Variants in ANKS1B observed in about 807,000 individuals in gnomAD.
ANKS1B encodes the protein ankyrin repeat and sterile alpha motif domain-containing protein 1B.
A neutral mutation model predicts 148.3 loss-of-function variants in ANKS1B; 36 were observed. The observed-to-expected ratio is 0.24, with a 90% CI of 0.19 to 0.32. The LOEUF is 0.32. ANKS1B is among the 10% of genes least tolerant of loss of function. The pLI is 1.00. For missense variants in ANKS1B, 1,157 were observed against 1,542.6 expected (o/e 0.75, Z 4.19); for synonymous variants, 542 against 560.8 (o/e 0.97, Z 0.47).
At chr12:99,742,061 T>A (rs10860503) in intron 8 of ANKS1B, among the ~76,000 whole-genome samples, 1 of 151,558 alleles carries the variant, frequency 6.6e-6, no homozygotes, top group East Asian at 1.9e-4. Flanking sequence ...TGAGAACACA[T>A]GGACACATAC....
intron 15 of ANKS1B, among the ~76,000 whole-genome samples, chr12:99,107,131 T>C (rs1418523784): frequency 6.6e-6 from 1 of 151,696 alleles, no homozygotes; most frequent in Non-Finnish European, 1.5e-5. Context: ...ATAATAAATA[T>C]AAAATACATG....
intron 10 of ANKS1B, among the ~76,000 whole-genome samples, chr12:99,471,252 T>C (rs117388164): frequency 0.014 from 2,098 of 152,238 alleles, 18 homozygotes; most frequent in Non-Finnish European, 0.021. Flanking sequence ...AATCATGATT[T>C]TTGTTTAAAA....
chr12:99,753,716 A>G (rs1393365905), intron 8 of ANKS1B, among the ~76,000 whole-genome samples: 1 of 152,060 alleles, frequency 6.6e-6, no homozygotes, highest in African/African-American at 2.4e-5. Context: ...TAAGCTAAAT[A>G]CCACAATTAA....
At chr12:99,716,645 G>A (rs1171837896) in intron 8 of ANKS1B, among the ~76,000 whole-genome samples, 5 of 151,766 alleles carry the variant, frequency 3.3e-5, no homozygotes, top group South Asian at 2.1e-4. Context: ...AATTCTTGTC[G>A]TAAAATGGGC....
At chr12:99,138,117 G>T (rs748849919) in intron 15 of ANKS1B, among the ~76,000 whole-genome samples, 11 of 152,126 alleles carry the variant, frequency 7.2e-5, no homozygotes, top group Non-Finnish European at 1.5e-4. Flanking sequence ...TATGAAAGTG[G>T]AAACTAAGCA....
rs1218963706 is a variant in ANKS1B at position 99,417,063 on chromosome 12, G to C, written c.1576-17252C>G. ...CCATGCCAAGCTCATTTATATTTGG[G>C]AGGAAGGAGAGGATCAGGACAATTT... On this transcript the variant is annotated intron_variant, in intron 11 of 26. Coordinates refer to ENST00000683438, the MANE Select transcript of ANKS1B (RefSeq NM_001352186.2). 2.0e-5 allele frequency among the ~76,000 whole-genome samples: 3 copies of C among 152,286 alleles called. No individual in the cohort carries two copies. The East Asian group carries it at 5.8e-4, about 29-fold the overall frequency.
At chr12:99,554,148 C>T (rs1211404067) in intron 9 of ANKS1B, among the ~76,000 whole-genome samples, 1 of 152,190 alleles carries the variant, frequency 6.6e-6, no homozygotes, top group Admixed American at 6.5e-5. Flanking sequence ...CCTAAAGACA[C>T]ATCTCAGCCT....
chr12:99,744,916 C>T (rs1479492916), intron 8 of ANKS1B, among the ~76,000 whole-genome samples: 8 of 140,528 alleles, frequency 5.7e-5, no homozygotes, highest in Non-Finnish European at 9.1e-5. Context: ...TGCTTGAACC[C>T]GGGAGATGGA....
intron 17 of ANKS1B, among the ~76,000 whole-genome samples, chr12:98,884,708 A>T (rs1425039129): frequency 1.3e-5 from 2 of 150,242 alleles, no homozygotes; most frequent in Non-Finnish European, 3.0e-5. Context: ...CTGAGGCAGG[A>T]GAATGGCGTG....
At chr12:99,562,781 T>C (rs886127827) in intron 9 of ANKS1B, among the ~76,000 whole-genome samples, 1 of 152,322 alleles carries the variant, frequency 6.6e-6, no homozygotes. Flanking sequence ...TTACTTCCCA[T>C]GAGGTCCCTC....
At chr12:99,038,133 G>A (rs1393386346) in intron 17 of ANKS1B, among the ~76,000 whole-genome samples, 1 of 152,118 alleles carries the variant, frequency 6.6e-6, no homozygotes, top group Non-Finnish European at 1.5e-5. Flanking sequence ...ATTATCAGTA[G>A]AATCATTTGT....
chr12:99,435,330 T>C (rs1451129221), intron 11 of ANKS1B, among the ~76,000 whole-genome samples: 2 of 152,052 alleles, frequency 1.3e-5, no homozygotes, highest in East Asian at 3.9e-4. Context: ...AATGAGATGC[T>C]TGAAGGTGAG....
chr12:99,295,596 T>G (rs1348411935), intron 12 of ANKS1B, among the ~76,000 whole-genome samples: 1 of 152,224 alleles, frequency 6.6e-6, no homozygotes, highest in African/African-American at 2.4e-5. Flanking sequence ...GATTATACTT[T>G]CAGTGTCATT....
intron 11 of ANKS1B, among the ~76,000 whole-genome samples, chr12:99,443,367 G>T (rs902657626): frequency 1.3e-5 from 2 of 151,906 alleles, no homozygotes; most frequent in Admixed American, 1.3e-4. Flanking sequence ...ATATGTAACA[G>T]CTCAATAATT....
rs1403636406 is a variant in ANKS1B, at chr12:98,967,862, A to G, written c.2778+85295T>C. ...TCTAGGCTGGAGGTTGGCTAACAGC[A>G]TACACTCAGCTGACCCGGGGAGTAC... is the stretch of plus-strand genomic sequence containing the variant. On this transcript the variant is annotated intron_variant, in intron 17 of 26. Transcript: ENST00000683438. Among the ~76,000 whole-genome samples, 3 of 151,982 alleles carry G rather than the reference A, an allele frequency of 2.0e-5. No individual in the cohort carries two copies. In the East Asian group the frequency reaches 5.8e-4, roughly 29 times the overall value.
At chr12:98,924,466 C>T (rs191605441) in intron 17 of ANKS1B, among the ~76,000 whole-genome samples, 2 of 152,182 alleles carry the variant, frequency 1.3e-5, no homozygotes, top group Non-Finnish European at 2.9e-5. Context: ...TACATTCTAA[C>T]TCTAAGTGTC....
chr12:98,954,388 T>C (rs1319740742), intron 17 of ANKS1B: 1 of 152,366 alleles, frequency 6.6e-6, no homozygotes, highest in East Asian at 1.9e-4. Flanking sequence ...CATGAGCTGC[T>C]ATAGTTTGAA....
At chr12:99,564,764 A>G (rs1033421060) in intron 9 of ANKS1B, among the ~76,000 whole-genome samples, 1 of 152,110 alleles carries the variant, frequency 6.6e-6, no homozygotes, top group Admixed American at 6.6e-5. Flanking sequence ...CACTACTGCA[A>G]TCTCCTTGTT....
At chr12:99,576,960 T>A (rs1350719420) in intron 9 of ANKS1B, among the ~76,000 whole-genome samples, 3 of 151,846 alleles carry the variant, frequency 2.0e-5, no homozygotes, top group African/African-American at 7.3e-5. Context: ...TGACATAAGA[T>A]GAAAGTTTAT....
Sources: gnomAD v4.1 joint callset for allele counts (sites outside exome capture counted in the v4.1 genomes callset) on GRCh38, gnomAD v4.1.1 for gene constraint, MANE v1.5 for transcripts, NCBI Gene and HGNC (gene_info 2026-07-23, HGNC 2026-07-21) for gene names.